The following RTN3 variants were observed in gnomAD, a reference collection of about 807,000 sequenced individuals.
RTN3 encodes the protein reticulon 3, also known as reticulon-3.
A neutral mutation model predicts 77.8 loss-of-function variants in RTN3; 49 were observed. The observed-to-expected ratio is 0.63, with a 90% CI of 0.50 to 0.80. The LOEUF (loss-of-function observed/expected upper bound fraction) is 0.80, where lower values mean the gene tolerates loss of function less well. Ranked by LOEUF, RTN3 falls within the 30% of genes least tolerant of loss-of-function variation. The pLI is 0.00. For missense variants in RTN3, 1,236 were observed against 1,211.9 expected (o/e 1.02, Z -0.29); for synonymous variants, 464 against 446.9 (o/e 1.04, Z -0.48).
chr11:63,704,678 G>A (rs976439310), intron 1 of RTN3, among the ~76,000 whole-genome samples, 173 bp from the exon 2 acceptor site: 2 of 151,858 alleles, frequency 1.3e-5, no homozygotes, highest in Admixed American at 6.6e-5. Context: ...ATAAAATAAG[G>A]TTTTGCTACC....
chr11:63,713,530 C>G (rs1337785505), intron 2 of RTN3, among the ~76,000 whole-genome samples: 1 of 152,020 alleles, frequency 6.6e-6, no homozygotes, highest in African/African-American at 2.4e-5. Flanking sequence ...AGGCTGGTCT[C>G]GAACTCCTGG....
chr11:63,744,020 G>C (rs146919838), intron 3 of RTN3, among the ~76,000 whole-genome samples: 1 of 151,076 alleles, frequency 6.6e-6, no homozygotes, highest in South Asian at 2.1e-4. Context: ...GAGGCAGGCA[G>C]ATCACGAGGT....
At position 63,719,346 on chromosome 11, in the gene RTN3, G is replaced by C. The variant is rs530117033; in HGVS notation, c.844G>C (p.Glu282Gln). The C allele has an allele frequency of 1.9e-6, 3 of 1,614,166 alleles. No individual in the cohort carries two copies. The South Asian group carries it at 3.3e-5, about 18-fold the overall frequency. Residue 282 changes from glutamate to glutamine, a missense_variant, in exon 3 of 9, where the codon GAA (glutamate) becomes CAA (glutamine). This residue lies in a region of RTN3 where 1,056 missense variants were observed against 990.4 expected (regional missense o/e 1.07). Coordinates refer to ENST00000377819, the MANE Select transcript of RTN3 (RefSeq NM_001265589.2). ...FGSWSVHTDKESSEDISETND... is the reference protein window; with the variant it reads ...FGSWSVHTDKQSSEDISETND... The stretch of plus-strand genomic sequence containing the variant: ...TAGCTGGTCTGTGCACACTGATAAA[G>C]AATCATCCGAAGACATTTCAGAGAC...
At position 63,750,117 on chromosome 11, in the gene RTN3, T is replaced by G; in HGVS notation, c.2657T>G (p.Leu886Arg). The change falls in exon 4 of 9, where the codon CTT (leucine) becomes CGT (arginine). Residue 886 changes from leucine (L) to arginine (R), a missense_variant. Transcript: ENST00000377819. The stretch of plus-strand genomic sequence containing the variant: ...GTGGTTTCTTACCTCATCCTGGCTC[T>G]TCTCTCTGTCACCATCAGCTTCAGG... ...ISVVSYLILA[L>R]LSVTISFRIY... The G allele has an allele frequency of 1.2e-6, 2 of 1,613,018 alleles. No homozygotes were observed. Among genetic ancestry groups the G allele is most frequent in the Non-Finnish European group, 1.7e-6 (2 of 1,179,414 alleles).
Position 63,719,543 on chromosome 11 carries a change from A to G in RTN3, c.1041A>G (p.Gln347=), listed in dbSNP as rs747663958. Residue 347 remains glutamine (Q), a synonymous_variant, in exon 3 of 9, where the codon CAA becomes CAG. Coordinates refer to ENST00000377819, the MANE Select transcript of RTN3 (RefSeq NM_001265589.2). ...NEILTWDLVP[Q]VKQQTDKSSD... ...TACTGACTTGGGATCTGGTTCCCCA[A>G]GTGAAACAACAGACCGATAAATCTT... 7.4e-6 allele frequency: 12 copies of G among 1,614,108 alleles called. No homozygotes were observed. Among genetic ancestry groups the G allele is most frequent in the South Asian group, 5.5e-5 (5 of 91,086 alleles).
intron 1 of RTN3, among the ~76,000 whole-genome samples, chr11:63,686,191 C>T (rs1460954684): frequency 6.6e-6 from 1 of 152,172 alleles, no homozygotes; most frequent in East Asian, 1.9e-4. Flanking sequence ...TGTAACTTGG[C>T]CGGGCACGGT....
intron 2 of RTN3, among the ~76,000 whole-genome samples, chr11:63,712,417 T>G (rs2011184327): frequency 1.3e-5 from 2 of 152,200 alleles, no homozygotes; most frequent in Admixed American, 1.3e-4. Context: ...TTTCCCATTT[T>G]GATGAGATTG....
intron 3 of RTN3, among the ~76,000 whole-genome samples, chr11:63,743,937 TGAAG>T (rs970622767): frequency 6.7e-6 from 1 of 150,096 alleles, no homozygotes; most frequent in African/African-American, 2.5e-5. Context: ...AAAAACTTGA[TGAAG>T]GAAGATAAAG....
intron 1 of RTN3, among the ~76,000 whole-genome samples, chr11:63,703,822 A>G (rs1187501035): frequency 1.3e-5 from 2 of 151,742 alleles, no homozygotes; most frequent in African/African-American, 4.8e-5. Context: ...GATTACAGGC[A>G]TGAGCCACCA....
At chr11:63,698,587 C>T (rs925887197) in intron 1 of RTN3, 2 of 163,818 alleles carry the variant, frequency 1.2e-5, no homozygotes, top group African/African-American at 2.4e-5. Flanking sequence ...TTTAAAATTT[C>T]TCTTCATGCC....
intron 1 of RTN3, among the ~76,000 whole-genome samples, chr11:63,693,949 C>G (rs1016044071): frequency 6.6e-6 from 1 of 152,096 alleles, no homozygotes. Flanking sequence ...TAATGAAACC[C>G]CATCTCTACA....
At chr11:63,727,487 C>G (rs1318526504) in intron 3 of RTN3, among the ~76,000 whole-genome samples, 1 of 151,816 alleles carries the variant, frequency 6.6e-6, no homozygotes, top group Admixed American at 6.6e-5. Context: ...AAAAAAGAGT[C>G]AGGTGGGGAT....
intron 1 of RTN3, among the ~76,000 whole-genome samples, chr11:63,689,790 C>T (rs1477015121): frequency 6.6e-6 from 1 of 151,740 alleles, no homozygotes; most frequent in Non-Finnish European, 1.5e-5. Flanking sequence ...CAGAATCCCC[C>T]TCTGTTGCTC....
intron 7 of RTN3, among the ~76,000 whole-genome samples, chr11:63,755,499 A>G (rs961302110): frequency 1.3e-5 from 2 of 151,654 alleles, no homozygotes; most frequent in Non-Finnish European, 1.5e-5. Flanking sequence ...TAAAAATACA[A>G]AATTAGCCAG....
chr11:63,718,560 T>C (rs1941927931), intron 2 of RTN3, 142 bp from the exon 3 acceptor site: 1 of 486,746 alleles, frequency 2.1e-6, no homozygotes. Flanking sequence ...TTGTTACATA[T>C]TTATGTGTGT....
intron 3 of RTN3, among the ~76,000 whole-genome samples, chr11:63,742,869 TTTTG>T (rs527982138): frequency 0.01 from 1,565 of 151,838 alleles, 10 homozygotes; most frequent in Middle Eastern, 0.014. Flanking sequence ...ATATATATAT[TTTTG>T]TTTGTTTGTT....
In RTN3 at chr11:63,681,525, C is replaced by G. The variant is rs1339211069; in HGVS notation, c.-112C>G. The stretch of plus-strand genomic sequence containing the variant: ...AGTCTGTCGGAGTCTGTCCTCGGAG[C>G]AGGCGGAGTAAAGGGACTTGAGCGA... On this transcript the variant is annotated 5_prime_UTR_variant, in exon 1 of 9. Coordinates refer to ENST00000377819, the MANE Select transcript of RTN3 (RefSeq NM_001265589.2). The G allele has an allele frequency of 8.8e-7, 1 of 1,138,702 alleles. No individual in the cohort carries two copies. The highest frequency in any genetic ancestry group is 1.2e-6 in the Non-Finnish European group (1 of 823,852). The allele number at this position is 1,138,702 out of a possible 1,614,324, so 70.5% of individuals were successfully genotyped here. A position where few individuals can be genotyped will look rare whatever the true frequency, so the allele number is the denominator to read the frequency against.
intron 3 of RTN3, among the ~76,000 whole-genome samples, chr11:63,741,894 T>C (rs955472212): frequency 3.3e-5 from 5 of 152,192 alleles, no homozygotes; most frequent in African/African-American, 1.2e-4. Flanking sequence ...ACCAGTACTA[T>C]AGCATCTTGA....
chr11:63,746,126 T>C (rs900210688), intron 3 of RTN3, among the ~76,000 whole-genome samples: 2 of 152,088 alleles, frequency 1.3e-5, no homozygotes, highest in African/African-American at 2.4e-5. Context: ...GTGTAGACAC[T>C]CTGATTTGCA....
Sources: gnomAD v4.1 joint callset for allele counts (sites outside exome capture counted in the v4.1 genomes callset) on GRCh38, gnomAD v4.1.1 for gene constraint, gnomAD v4.1.1 regional missense constraint, MANE v1.5 for transcripts, NCBI Gene and HGNC (gene_info 2026-07-23, HGNC 2026-07-21) for gene names.